ERC2: variants seen among roughly 807,000 people sequenced by gnomAD.
ERC2 encodes the protein ELKS/RAB6-interacting/CAST family member 2.
In ERC2, 42 loss-of-function variants were observed where a neutral mutation model predicts 114.8. The observed-to-expected ratio is 0.37, with a 90% CI of 0.29 to 0.47. ERC2 has a LOEUF of 0.47. ERC2 is among the 20% of genes least tolerant of loss of function. ERC2 has a pLI of 0.99. For missense variants in ERC2, 939 were observed against 1,150.7 expected (o/e 0.82, Z 2.66); for synonymous variants, 454 against 425.5 (o/e 1.07, Z -0.82).
chr3:55,524,339 G>A (rs1032130932), intron 17 of ERC2, among the ~76,000 whole-genome samples: 2 of 152,126 alleles, frequency 1.3e-5, no homozygotes, highest in Non-Finnish European at 2.9e-5. Flanking sequence ...ACTGGGGCCA[G>A]GAAGGAACAG....
At chr3:56,112,202 T>C (rs1310672582) in intron 6 of ERC2, among the ~76,000 whole-genome samples, 1 of 152,180 alleles carries the variant, frequency 6.6e-6, no homozygotes, top group African/African-American at 2.4e-5. Context: ...TGGATAAAAA[T>C]GCTCTCTCAC....
chr3:55,942,005 T>C (rs963523509), intron 13 of ERC2, among the ~76,000 whole-genome samples: 10 of 152,178 alleles, frequency 6.6e-5, no homozygotes, highest in African/African-American at 2.4e-4. Context: ...CTCAATCTAA[T>C]ACCCAATGCT....
chr3:56,207,604 A>G (rs981537851), intron 3 of ERC2, among the ~76,000 whole-genome samples: 1 of 152,162 alleles, frequency 6.6e-6, no homozygotes, highest in African/African-American at 2.4e-5. Flanking sequence ...ATTCTTTACT[A>G]TCATTTAGAA....
chr3:55,778,428 T>C (rs1049991266), intron 14 of ERC2, among the ~76,000 whole-genome samples: 10 of 152,336 alleles, frequency 6.6e-5, no homozygotes, highest in Non-Finnish European at 1.2e-4. Context: ...CTAGACATAA[T>C]GCCTAATTAT....
intron 8 of ERC2, among the ~76,000 whole-genome samples, chr3:56,011,313 C>T (rs1057394122): frequency 6.6e-6 from 1 of 152,166 alleles, no homozygotes; most frequent in Non-Finnish European, 1.5e-5. Flanking sequence ...GTGCTCTCCT[C>T]ATCAGCCCTC....
chr3:56,290,287 A>AT (rs1347249660), intron 3 of ERC2, among the ~76,000 whole-genome samples: 1 of 152,196 alleles, frequency 6.6e-6, no homozygotes, highest in Non-Finnish European at 1.5e-5. Context: ...TTCTCTAGAT[A>AT]TTTTTAACAA....
intron 3 of ERC2, among the ~76,000 whole-genome samples, chr3:56,211,347 C>T (rs911202244): frequency 6.6e-6 from 1 of 152,122 alleles, no homozygotes; most frequent in Non-Finnish European, 1.5e-5. Flanking sequence ...AACCCTTTTA[C>T]AATAGCTGTG....
intron 3 of ERC2, among the ~76,000 whole-genome samples, chr3:56,283,613 G>A (rs1267084133): frequency 1.3e-5 from 2 of 152,166 alleles, no homozygotes; most frequent in Admixed American, 1.3e-4. Flanking sequence ...TTTGAATATG[G>A]ATGAGAAAAG....
intron 4 of ERC2, among the ~76,000 whole-genome samples, chr3:56,172,274 C>T (rs761358820): frequency 4.6e-5 from 7 of 152,176 alleles, no homozygotes; most frequent in Non-Finnish European, 7.3e-5. Flanking sequence ...GCTACACATA[C>T]ATTATGAGTG....
In ERC2 at chr3:56,287,991, C is replaced by T. The variant is rs151122779; in HGVS notation, c.1074+8028G>A. Among the ~76,000 whole-genome samples, 969 of 152,292 alleles carry T rather than the reference C, an allele frequency of 6.4e-3. 6 individuals carry two copies. Among genetic ancestry groups the T allele is most frequent in the African/African-American group, 0.021 (861 of 41,554 alleles). ...AATTTCTCTGAGTCTCCATGTCCTCCCAGGGTTGCCAAAAGTATCTGAGGA... is the reference window on the plus strand; with the variant it reads ...AATTTCTCTGAGTCTCCATGTCCTCTCAGGGTTGCCAAAAGTATCTGAGGA... On this transcript the variant is annotated intron_variant, in intron 3 of 17. Coordinates refer to ENST00000288221, the MANE Select transcript of ERC2 (RefSeq NM_015576.3).
intron 17 of ERC2, among the ~76,000 whole-genome samples, chr3:55,670,794 G>A (rs1302741967): frequency 1.3e-5 from 2 of 152,172 alleles, no homozygotes; most frequent in Non-Finnish European, 2.9e-5. Flanking sequence ...TGTGTGGTCT[G>A]CAAGTCGAAA....
Position 56,424,137 on chromosome 3 carries a change from C to T in ERC2, c.657+10214G>A, listed in dbSNP as rs150276296. ...AATTCTCTGAGGATGCTGTCGATAG[C>T]GAACAACAGTGAATATTTTGGGGGT... On this transcript the variant is annotated intron_variant, in intron 2 of 17. Transcript: ENST00000288221. Among the ~76,000 whole-genome samples the T allele has an allele frequency of 4.4e-3, 665 of 152,258 alleles. 5 individuals carry two copies. Among genetic ancestry groups the T allele is most frequent in the African/African-American group, 0.015 (626 of 41,540 alleles).
intron 2 of ERC2, among the ~76,000 whole-genome samples, chr3:56,347,000 G>C (rs1486098453): frequency 6.6e-6 from 1 of 152,084 alleles, no homozygotes; most frequent in African/African-American, 2.4e-5. Flanking sequence ...TGTTGCACTG[G>C]GGATTAAGTT....
intron 4 of ERC2, among the ~76,000 whole-genome samples, chr3:56,153,740 A>G (rs1013013083): frequency 6.6e-6 from 1 of 152,172 alleles, no homozygotes; most frequent in Admixed American, 6.6e-5. Context: ...GAACATCAAA[A>G]AGAAGCAATA....
At chr3:55,557,493 G>A (rs1229192215) in intron 17 of ERC2, among the ~76,000 whole-genome samples, 3 of 152,230 alleles carry the variant, frequency 2.0e-5, no homozygotes, top group Non-Finnish European at 4.4e-5. Context: ...ATATCAGCCT[G>A]CAAAGGATTC....
chr3:55,533,939 C>A (rs1018487431), intron 17 of ERC2, among the ~76,000 whole-genome samples: 2 of 152,186 alleles, frequency 1.3e-5, no homozygotes, highest in African/African-American at 2.4e-5. Context: ...GGTAGCGTGG[C>A]GAGCTGGATA....
intron 14 of ERC2, among the ~76,000 whole-genome samples, chr3:55,787,904 T>C (rs946439857): frequency 6.6e-6 from 1 of 152,218 alleles, no homozygotes; most frequent in Non-Finnish European, 1.5e-5. Flanking sequence ...AAGAAATCCA[T>C]GTCCTGGAAG....
chr3:55,835,814 T>C (rs2060851101), intron 14 of ERC2, among the ~76,000 whole-genome samples: 1 of 151,962 alleles, frequency 6.6e-6, no homozygotes, highest in Non-Finnish European at 1.5e-5. Flanking sequence ...AGTCAGATTG[T>C]CCCTGTTTGC....
chr3:56,309,936 A>G (rs2056444610), intron 2 of ERC2, among the ~76,000 whole-genome samples: 1 of 152,246 alleles, frequency 6.6e-6, no homozygotes, highest in Non-Finnish European at 1.5e-5. Flanking sequence ...TAAATGCAAC[A>G]GTGGGAAACA....
Sources: allele counts gnomAD v4.1 joint callset (sites outside exome capture counted in the v4.1 genomes callset), GRCh38; gene constraint gnomAD v4.1.1; transcripts MANE v1.5; gene names NCBI Gene and HGNC (gene_info 2026-07-23, HGNC 2026-07-21).